ITIH5: variants seen among roughly 807,000 people sequenced by gnomAD.
The protein encoded by ITIH5 is inter-alpha-trypsin inhibitor heavy chain H5.
A neutral mutation model predicts 77.5 loss-of-function variants in ITIH5; 65 were observed. That is an observed-to-expected ratio of 0.84 (90% CI 0.69 to 1.03). ITIH5 has a LOEUF of 1.03. ITIH5 is among the 50% of genes least tolerant of loss of function. The probability of loss-of-function intolerance (pLI) is 0.00; values close to 1 mark genes in which losing one functional copy is unlikely to be tolerated. For missense variants in ITIH5, 1,208 were observed against 1,213.1 expected (o/e 1.00, Z 0.06); for synonymous variants, 525 against 494.3 (o/e 1.06, Z -0.82).
chr10:7,577,946 G>A (rs1485522898), intron 9 of ITIH5, among the ~76,000 whole-genome samples: 1 of 152,174 alleles, frequency 6.6e-6, no homozygotes, highest in Non-Finnish European at 1.5e-5. Context: ...CCTCCATCGA[G>A]GCCACAAATG....
intron 10 of ITIH5, among the ~76,000 whole-genome samples, chr10:7,575,329 G>C (rs569427257): frequency 6.6e-6 from 1 of 152,288 alleles, no homozygotes; most frequent in African/African-American, 2.4e-5. Flanking sequence ...AGCTGGTCAG[G>C]AGGGTTGGTG....
Position 7,563,351 on chromosome 10 carries a change from T to A in ITIH5, c.2561A>T (p.Glu854Val). The A allele has an allele frequency of 6.2e-7, 1 of 1,613,514 alleles. No individual in the cohort carries two copies. The highest frequency in any genetic ancestry group is 8.5e-7 in the Non-Finnish European group (1 of 1,179,516). Residue 854 changes from glutamate to valine, a missense_variant, in exon 14 of 14, where the codon GAA becomes GTA. Physicochemically the swap from Glu to Val is moderately radical, Grantham distance 121. Coordinates refer to ENST00000397146, the MANE Select transcript of ITIH5 (RefSeq NM_030569.7). ...QFLNQDARLT[E>V]DPAGPSQNLT... ...GTTCTGGCTGGGCCCTGCAGGGTCT[T>A]CTGTGAGTCTGGCATCCTGATTCAG... is the stretch of plus-strand genomic sequence containing the variant.
At chr10:7,600,062 C>A (rs1024271747) in intron 7 of ITIH5, among the ~76,000 whole-genome samples, 1 of 152,164 alleles carries the variant, frequency 6.6e-6, no homozygotes, top group Non-Finnish European at 1.5e-5. Flanking sequence ...GAGTCCAGAG[C>A]AGAGAAGGCA....
At chr10:7,617,851 G>A (rs1833400034) in intron 5 of ITIH5, 1 of 152,166 alleles carries the variant, frequency 6.6e-6, no homozygotes, top group Non-Finnish European at 1.5e-5. Context: ...AAGATTAGAA[G>A]AGTCCCCAAT....
chr10:7,644,788 ATC>A, intron 2 of ITIH5, among the ~76,000 whole-genome samples: 1 of 127,688 alleles, frequency 7.8e-6, no homozygotes, highest in African/African-American at 3.7e-5. Context: ...TCACATATAT[ATC>A]ATATATATCA....
chr10:7,571,813 A>G, intron 11 of ITIH5: 1 of 214,248 alleles, frequency 4.7e-6, no homozygotes, highest in Non-Finnish European at 8.0e-6. Flanking sequence ...TTTAAGGAAC[A>G]AAGACAAGAA....
intron 2 of ITIH5, among the ~76,000 whole-genome samples, chr10:7,649,057 G>A (rs995176439): frequency 2.6e-5 from 4 of 152,076 alleles, no homozygotes; most frequent in African/African-American, 9.7e-5. Context: ...TTAGGCACGA[G>A]TCTATCCCCC....
At chr10:7,616,645 T>C (rs993893548) in intron 6 of ITIH5, among the ~76,000 whole-genome samples, 1 of 152,136 alleles carries the variant, frequency 6.6e-6, no homozygotes, top group African/African-American at 2.4e-5. Flanking sequence ...CTGACCACCA[T>C]GGCAAAACCC....
intron 12 of ITIH5, among the ~76,000 whole-genome samples, chr10:7,567,319 TTTATTATTATTATTA>T (rs59350117): frequency 2.2e-5 from 3 of 139,492 alleles, no homozygotes; most frequent in South Asian, 2.4e-4. Context: ...TCGGACATCT[TTTATTATTATTATTA>T]TTATTATTAT....
chr10:7,566,048 T>C lies in ITIH5; in HGVS notation c.2509A>G (p.Asn837Asp), dbSNP rs371257322. 9 of 1,613,934 alleles carry C rather than the reference T, an allele frequency of 5.6e-6. No homozygotes were observed. The East Asian group carries it at 2.0e-4, about 36-fold the overall frequency. ...TTCCTACCCAGCAGTCCGTGGCAGTTGCTGGAAAGGCCCTCGCTGTTGGCA... is the reference window on the plus strand; with the variant it reads ...TTCCTACCCAGCAGTCCGTGGCAGTCGCTGGAAAGGCCCTCGCTGTTGGCA... ...YIANSEGLSS[N>D]CHGLLGQFLN... is the part of the protein sequence containing the mutation. The change falls in exon 13 of 14, where the codon AAC (asparagine) becomes GAC (aspartate). Residue 837 changes from asparagine (N) to aspartate (D), a missense_variant. Asn to Asp is a conservative substitution (Grantham distance 23, BLOSUM62 1). Transcript: ENST00000397146.
chr10:7,605,165 A>T (rs565900497), intron 7 of ITIH5, among the ~76,000 whole-genome samples: 5 of 152,036 alleles, frequency 3.3e-5, no homozygotes, highest in Middle Eastern at 3.4e-3. Context: ...GTTCTCGGTG[A>T]AAGTGACTTA....
At chr10:7,623,440 CAA>C (rs1471216133) in intron 5 of ITIH5, among the ~76,000 whole-genome samples, 1 of 152,094 alleles carries the variant, frequency 6.6e-6, no homozygotes, top group African/African-American at 2.4e-5. Flanking sequence ...AAAACTCAAG[CAA>C]ATCAGCAGAG....
intron 1 of ITIH5, among the ~76,000 whole-genome samples, chr10:7,658,536 G>C (rs1477374535): frequency 2.0e-5 from 3 of 152,156 alleles, no homozygotes; most frequent in Admixed American, 1.3e-4. Flanking sequence ...AGAAGATCCA[G>C]AGAATACGTG....
chr10:7,645,177 A>G (rs1833992300), intron 2 of ITIH5, among the ~76,000 whole-genome samples: 1 of 152,016 alleles, frequency 6.6e-6, no homozygotes, highest in Non-Finnish European at 1.5e-5. Context: ...CGAAAACGTT[A>G]GGGGGATGTG....
intron 13 of ITIH5, among the ~76,000 whole-genome samples, 159 bp downstream of exon 13, chr10:7,565,871 C>CACACACAT (rs2130937306): frequency 6.6e-6 from 1 of 151,412 alleles, no homozygotes; most frequent in East Asian, 1.9e-4. Flanking sequence ...TATATGTACA[C>CACACACAT]ACACACATAC....
chr10:7,586,120 T>C (rs377206103), intron 7 of ITIH5, 51 bp from the exon 8 acceptor site: 3 of 1,521,910 alleles, frequency 2.0e-6, no homozygotes, highest in Non-Finnish European at 2.7e-6. Context: ...ATAAGTCCAC[T>C]TGTCCCCTGT....
chr10:7,616,178 T>C, intron 6 of ITIH5, 80 bp from the exon 7 acceptor site: 1 of 795,564 alleles, frequency 1.3e-6, no homozygotes. Flanking sequence ...GTCTATGGAA[T>C]TTCTAAAAGT....
chr10:7,644,566 G>GATATATCACATATATATA (rs1564277559), intron 2 of ITIH5, among the ~76,000 whole-genome samples: 1 of 72,570 alleles, frequency 1.4e-5, no homozygotes. Context: ...ACATATATAT[G>GATATATCACATATATATA]ATATATATCA....
At chr10:7,645,915 T>A (rs1342133850) in intron 2 of ITIH5, among the ~76,000 whole-genome samples, 2 of 152,182 alleles carry the variant, frequency 1.3e-5, no homozygotes, top group African/African-American at 4.8e-5. Context: ...CCTGTGGGGT[T>A]TTTTTTAAAG....
Sources: allele counts gnomAD v4.1 joint callset (sites outside exome capture counted in the v4.1 genomes callset), GRCh38; gene constraint gnomAD v4.1.1; transcripts MANE v1.5; gene names NCBI Gene and HGNC (gene_info 2026-07-23, HGNC 2026-07-21).